MRPS35: variants seen among roughly 807,000 people sequenced by gnomAD.
MRPS35 encodes the protein small ribosomal subunit protein mS35.
Under a neutral mutation model 32.7 loss-of-function variants are expected in MRPS35, and 29 were observed. That is an observed-to-expected ratio of 0.89 (90% CI 0.66 to 1.21). The LOEUF (loss-of-function observed/expected upper bound fraction) is 1.21. MRPS35 is among the 50% of genes most tolerant of loss of function. The probability of loss-of-function intolerance (pLI) is 0.00; values close to 1 mark genes in which losing one functional copy is unlikely to be tolerated. For synonymous variants in MRPS35, 148 were observed against 139.3 expected (o/e 1.06, Z -0.44); for missense variants, 373 against 383.8 (o/e 0.97, Z 0.23).
chr12:27,727,846 A>T (rs2061906506), intron 5 of MRPS35, among the ~76,000 whole-genome samples: 1 of 152,056 alleles, frequency 6.6e-6, no homozygotes, highest in Non-Finnish European at 1.5e-5. Context: ...AGATCTGTGG[A>T]TGCCTAAGTC....
intron 3 of MRPS35, among the ~76,000 whole-genome samples, chr12:27,718,069 C>T (rs1331318498): frequency 1.3e-5 from 2 of 152,140 alleles, no homozygotes; most frequent in Non-Finnish European, 2.9e-5. Flanking sequence ...CCAAAAAGTA[C>T]AGCAAATGAA....
intron 7 of MRPS35, among the ~76,000 whole-genome samples, chr12:27,741,997 G>A (rs2061965942): frequency 1.3e-5 from 2 of 152,156 alleles, no homozygotes; most frequent in African/African-American, 4.8e-5. Context: ...AAGCAGTGTT[G>A]CATTCCTGTA....
chr12:27,737,394 T>C, intron 6 of MRPS35, 145 bp from the exon 7 acceptor site: 1 of 657,478 alleles, frequency 1.5e-6, no homozygotes, highest in East Asian at 2.8e-5. Context: ...ACAAAGACTA[T>C]TTTTATTCCA....
At chr12:27,748,272 A>G (rs2061987954) in intron 7 of MRPS35, among the ~76,000 whole-genome samples, 1 of 152,194 alleles carries the variant, frequency 6.6e-6, no homozygotes, top group Admixed American at 6.5e-5. Context: ...AGAGAACACT[A>G]TGCCTGGCAG....
rs146772714 is a variant in MRPS35, at chr12:27,731,086, TA to T, written c.523-4360del. On this transcript the variant is annotated intron_variant, in intron 5 of 7. Coordinates refer to ENST00000081029, the MANE Select transcript of MRPS35 (RefSeq NM_021821.4). ...TATGTGTCATAATCCAATAAAACAT[TA>T]TTTTTTTGCTCAAATTGTTCTGAGT... 2.4e-3 allele frequency among the ~76,000 whole-genome samples: 373 copies of T among 152,354 alleles called. 7 individuals are homozygous for T. The highest frequency in any genetic ancestry group is 8.4e-3 in the African/African-American group (349 of 41,576).
rs1231006606 is a variant in MRPS35, at chr12:27,733,032, A to ATC, written c.523-2414_523-2413insCT. On this transcript the variant is annotated intron_variant, in intron 5 of 7. Transcript: ENST00000081029. ...TATATATATATATATATATATATATATATATATATCCAGCACCTCCTGTGA... is the reference window on the plus strand; with the variant it reads ...TATATATATATATATATATATATATATCTATATATATCCAGCACCTCCTGTGA... 6.6e-4 allele frequency among the ~76,000 whole-genome samples: 35 copies of ATC among 52,850 alleles called. No individual in the cohort carries two copies. The East Asian group carries it at 6.9e-3, about 10-fold the overall frequency. 34.7% of individuals were successfully genotyped at this position (52,850 alleles called of 152,430 possible). A position where few individuals can be genotyped will look rare whatever the true frequency, so the allele number is the denominator to read the frequency against.
rs114893323 is a variant in MRPS35 at position 27,712,153 on chromosome 12, T to C, written c.112+1198T>C. Among the ~76,000 whole-genome samples the C allele has an allele frequency of 4.8e-3, 725 of 151,918 alleles. 6 individuals carry two copies. The highest frequency in any genetic ancestry group is 0.016 in the African/African-American group (669 of 41,434). ...CAGGGCCCCAAGCCATGCAGAGATA[T>C]GGGGAAAGAGCCTTTGGGGTATGGG... On this transcript the variant is annotated intron_variant, in intron 1 of 7. Transcript: ENST00000081029.
rs769329612 is a variant in MRPS35, at chr12:27,755,460, T to A, written c.*10T>A. 45 of 1,519,334 alleles carry A rather than the reference T, an allele frequency of 3.0e-5. No homozygotes were observed. Among genetic ancestry groups the A allele is most frequent in the African/African-American group, 4.2e-5 (3 of 71,074 alleles). 94.1% of individuals were successfully genotyped at this position (1,519,334 alleles called of 1,614,324 possible). A position where few individuals can be genotyped will look rare whatever the true frequency, so the allele number is the denominator to read the frequency against. ...ATTAAATGTGACATGAATTATGGAG[T>A]AGAAAAATCTGCTTGATTTATTAAT... On this transcript the variant is annotated 3_prime_UTR_variant, in exon 8 of 8. Transcript: ENST00000081029.
intron 7 of MRPS35, among the ~76,000 whole-genome samples, chr12:27,751,164 G>A (rs2062001853): frequency 1.3e-5 from 2 of 149,192 alleles, no homozygotes; most frequent in Non-Finnish European, 3.0e-5. Context: ...AAGAAAATGT[G>A]AATTTTGTTT....
chr12:27,714,859 G>A, intron 2 of MRPS35, 39 bp downstream of exon 2: 1 of 1,564,280 alleles, frequency 6.4e-7, no homozygotes, highest in East Asian at 2.2e-5. Context: ...AATGGTTTCT[G>A]GAGTTCTAAA....
At chr12:27,735,606 C>T (rs1399804288) in intron 6 of MRPS35, 50 bp downstream of exon 6, 7 of 1,322,860 alleles carry the variant, frequency 5.3e-6, no homozygotes, top group Non-Finnish European at 7.5e-6. Context: ...TCCTCATTGT[C>T]CTCCAATTCC....
chr12:27,711,084 C>A, intron 1 of MRPS35, 129 bp downstream of exon 1: 2 of 793,048 alleles, frequency 2.5e-6, no homozygotes, highest in Non-Finnish European at 4.1e-6. Context: ...CTGCCAGGCC[C>A]GTCTGGTAGG....
intron 3 of MRPS35, among the ~76,000 whole-genome samples, chr12:27,717,494 A>T (rs1334391668): frequency 2.6e-5 from 4 of 152,228 alleles, no homozygotes; most frequent in Admixed American, 2.6e-4. Context: ...CTTAAATACA[A>T]TGAAAGTTAT....
chr12:27,742,508 A>G (rs1372129952), intron 7 of MRPS35, among the ~76,000 whole-genome samples: 2 of 152,204 alleles, frequency 1.3e-5, no homozygotes, highest in Admixed American at 6.5e-5. Flanking sequence ...TCCCCCTGAA[A>G]ACGTCACAGG....
chr12:27,737,749 TAGCTTCTA>T, intron 7 of MRPS35, 141 bp downstream of exon 7: 1 of 638,068 alleles, frequency 1.6e-6, no homozygotes, highest in South Asian at 2.1e-5. Flanking sequence ...ATGTCATAGG[TAGCTTCTA>T]CTGACTTTAA....
chr12:27,740,751 A>C (rs1457647798), intron 7 of MRPS35, among the ~76,000 whole-genome samples: 1 of 152,226 alleles, frequency 6.6e-6, no homozygotes, highest in Non-Finnish European at 1.5e-5. Flanking sequence ...GAAGTGTCAA[A>C]GTAGATTTCA....
intron 2 of MRPS35, 67 bp from the exon 3 acceptor site, chr12:27,716,224 T>C: frequency 1.5e-6 from 2 of 1,377,092 alleles, no homozygotes; most frequent in Non-Finnish European, 1.9e-6. Context: ...TGCTTTAAAA[T>C]TAAAATTCTT....
Position 27,746,378 on chromosome 12 carries a change from T to C in MRPS35, c.702+8770T>C, listed in dbSNP as rs903248414. Among the ~76,000 whole-genome samples, 2 of 152,346 alleles carry C rather than the reference T, an allele frequency of 1.3e-5. 1 individual carries two copies. The highest frequency in any genetic ancestry group is 4.1e-4 in the South Asian group (2 of 4,832). On this transcript the variant is annotated intron_variant, in intron 7 of 7. Transcript: ENST00000081029. The stretch of plus-strand genomic sequence containing the variant: ...AGCGTTTCACATTTCAGATTTGGAA[T>C]GCTCAACCAGTCAGTATAATGCAGA...
rs148534082 is a variant in MRPS35, at chr12:27,748,438, G to GTGT, written c.703-6743_703-6742insTGT. On this transcript the variant is annotated intron_variant, in intron 7 of 7. Transcript: ENST00000081029. ...TGCAGGCAGGAAGAAAAAGAAAAGTGGTGTGTGTGTGTGTGTGTGTGTGTG... is the reference window on the plus strand; with the variant it reads ...TGCAGGCAGGAAGAAAAAGAAAAGTGTGTGTGTGTGTGTGTGTGTGTGTGTGTG... Among the ~76,000 whole-genome samples, 1,072 of 146,076 alleles carry GTGT rather than the reference G, an allele frequency of 7.3e-3. 11 individuals carry two copies. Among genetic ancestry groups the GTGT allele is most frequent in the African/African-American group, 0.024 (934 of 39,450 alleles).
Sources: allele counts gnomAD v4.1 joint callset (sites outside exome capture counted in the v4.1 genomes callset), GRCh38; gene constraint gnomAD v4.1.1; transcripts MANE v1.5; gene names NCBI Gene and HGNC (gene_info 2026-07-23, HGNC 2026-07-21).